Variants in PTPRM observed in about 807,000 individuals in gnomAD.
The protein encoded by PTPRM is protein tyrosine phosphatase receptor type M.
Under a neutral mutation model 186.7 loss-of-function variants are expected in PTPRM, and 47 were observed. The ratio of observed to expected loss-of-function variants is 0.25; its 90% confidence interval spans 0.20 to 0.32. The LOEUF (loss-of-function observed/expected upper bound fraction) is 0.32. PTPRM is among the 10% of genes least tolerant of loss of function. The probability of loss-of-function intolerance (pLI) is 1.00; values close to 1 mark genes in which losing one functional copy is unlikely to be tolerated. For missense variants in PTPRM, 1,494 were observed against 1,865.0 expected (o/e 0.80, Z 3.66); for synonymous variants, 668 against 674.9 (o/e 0.99, Z 0.16).
At chr18:7,579,870 G>A (rs1598449798) in intron 1 of PTPRM, among the ~76,000 whole-genome samples, 1 of 152,156 alleles carries the variant, frequency 6.6e-6, no homozygotes, top group African/African-American at 2.4e-5. Context: ...GCCCCATAAG[G>A]ATGGACCAAA....
At chr18:7,948,130 T>TACACACACACACACAC (rs57918724) in intron 5 of PTPRM, among the ~76,000 whole-genome samples, 4 of 137,816 alleles carry the variant, frequency 2.9e-5, no homozygotes, top group Non-Finnish European at 6.2e-5. Context: ...GATTATAAAA[T>TACACACACACACACAC]ACACACACAC....
chr18:7,945,855 A>C (rs1033946662), intron 5 of PTPRM, among the ~76,000 whole-genome samples: 19 of 152,230 alleles, frequency 1.2e-4, no homozygotes, highest in Non-Finnish European at 2.5e-4. Flanking sequence ...TGAATGGTTT[A>C]ATACAAAATG....
chr18:8,055,581 C>T (rs1460010981), intron 7 of PTPRM, among the ~76,000 whole-genome samples: 6 of 152,114 alleles, frequency 3.9e-5, no homozygotes, highest in African/African-American at 7.2e-5. Flanking sequence ...AGAAGTGGCA[C>T]GCAAATTTTA....
intron 20 of PTPRM, among the ~76,000 whole-genome samples, chr18:8,303,261 G>A (rs2095180923): frequency 6.6e-6 from 1 of 152,060 alleles, no homozygotes; most frequent in Non-Finnish European, 1.5e-5. Flanking sequence ...GTAGTGCTGA[G>A]GACACGAGGT....
At chr18:8,215,716 T>C (rs1042177410) in intron 14 of PTPRM, among the ~76,000 whole-genome samples, 1 of 151,870 alleles carries the variant, frequency 6.6e-6, no homozygotes, top group African/African-American at 2.4e-5. Flanking sequence ...CTACTTTTTT[T>C]CGTTCATTTT....
At chr18:8,153,366 GGTTAT>G (rs770969145) in intron 14 of PTPRM, among the ~76,000 whole-genome samples, 17 of 152,084 alleles carry the variant, frequency 1.1e-4, no homozygotes, top group Non-Finnish European at 2.1e-4. Flanking sequence ...TAGTCGTTGA[GGTTAT>G]GTTATAAATT....
At chr18:8,395,165 AACC>A (rs1389400973) in intron 32 of PTPRM, among the ~76,000 whole-genome samples, 2 of 151,994 alleles carry the variant, frequency 1.3e-5, no homozygotes, top group African/African-American at 4.8e-5. Context: ...TTGAAATGCC[AACC>A]ACCGTGACTC....
intron 1 of PTPRM, among the ~76,000 whole-genome samples, chr18:7,686,032 A>T (rs1417444922): frequency 6.6e-6 from 1 of 152,142 alleles, no homozygotes; most frequent in Admixed American, 6.5e-5. Flanking sequence ...AGAGAGATAG[A>T]GGGTAGTTTT....
chr18:7,906,612 G>C, intron 4 of PTPRM, 29 bp downstream of exon 4: 1 of 1,513,204 alleles, frequency 6.6e-7, no homozygotes, highest in Non-Finnish European at 9.2e-7. Flanking sequence ...TAAATATTCG[G>C]GTACATCATT....
At chr18:7,972,819 G>A (rs1365345571) in intron 7 of PTPRM, among the ~76,000 whole-genome samples, 1 of 151,962 alleles carries the variant, frequency 6.6e-6, no homozygotes, top group Non-Finnish European at 1.5e-5. Flanking sequence ...CAGTCCCTTT[G>A]CCAGAAATCA....
At chr18:7,797,658 C>A (rs1484788676) in intron 2 of PTPRM, among the ~76,000 whole-genome samples, 1 of 151,798 alleles carries the variant, frequency 6.6e-6, no homozygotes, top group Non-Finnish European at 1.5e-5. Flanking sequence ...CTTCTTCTGG[C>A]CTTCAAATGT....
chr18:8,126,039 T>A (rs2092354309), intron 13 of PTPRM, among the ~76,000 whole-genome samples: 1 of 106,024 alleles, frequency 9.4e-6, no homozygotes, highest in Non-Finnish European at 1.9e-5. Context: ...TTTAAATCAG[T>A]AGACCTTTCC....
chr18:7,849,387 C>G (rs897358206), intron 2 of PTPRM, among the ~76,000 whole-genome samples: 2 of 152,160 alleles, frequency 1.3e-5, no homozygotes, highest in Non-Finnish European at 2.9e-5. Context: ...CAATCTTTAG[C>G]AAAGAGAATG....
At chr18:8,373,343 A>AT (rs1387151308) in intron 24 of PTPRM, among the ~76,000 whole-genome samples, 1 of 152,208 alleles carries the variant, frequency 6.6e-6, no homozygotes, top group Admixed American at 6.5e-5. Flanking sequence ...AGCAGATGCA[A>AT]TGCACTTTGG....
At chr18:8,143,358 AAAT>A (rs1222528781) in intron 13 of PTPRM, among the ~76,000 whole-genome samples, 8 of 152,110 alleles carry the variant, frequency 5.3e-5, no homozygotes, top group Admixed American at 5.2e-4. Context: ...AGAGATAATA[AAAT>A]AATATTTTTC....
At chr18:7,732,839 C>G (rs560003573) in intron 1 of PTPRM, among the ~76,000 whole-genome samples, 7 of 152,194 alleles carry the variant, frequency 4.6e-5, no homozygotes, top group African/African-American at 1.7e-4. Context: ...ATAACTGAAC[C>G]GCAGAATAAG....
chr18:7,761,236 AAATT>A (rs1416402090), intron 1 of PTPRM, among the ~76,000 whole-genome samples: 1 of 152,224 alleles, frequency 6.6e-6, no homozygotes, highest in Non-Finnish European at 1.5e-5. Context: ...CTTATTTAAA[AAATT>A]AATAAGGAAA....
intron 13 of PTPRM, among the ~76,000 whole-genome samples, chr18:8,142,855 C>G (rs1399644089): frequency 3.3e-5 from 5 of 152,124 alleles, no homozygotes; most frequent in Non-Finnish European, 7.4e-5. Flanking sequence ...ATGCACTTAG[C>G]AGAGGAAACG....
At chr18:7,788,108 C>G (rs1019599953) in intron 2 of PTPRM, among the ~76,000 whole-genome samples, 3 of 152,152 alleles carry the variant, frequency 2.0e-5, no homozygotes, top group African/African-American at 7.2e-5. Context: ...GTTACAGTTA[C>G]AGGCTCAGAG....
Sources: gnomAD v4.1 joint callset for allele counts (sites outside exome capture counted in the v4.1 genomes callset) on GRCh38, gnomAD v4.1.1 for gene constraint, MANE v1.5 for transcripts, NCBI Gene and HGNC (gene_info 2026-07-23, HGNC 2026-07-21) for gene names.